Variants in VAT1L observed in about 807,000 individuals in gnomAD.
VAT1L encodes putative NADPH-dependent quinone oxidoreductase VAT1L.
In VAT1L, 34 loss-of-function variants were observed where a neutral mutation model predicts 44.1. The ratio of observed to expected loss-of-function variants is 0.77; its 90% CI spans 0.59 to 1.03. VAT1L has a LOEUF of 1.03. Ranked by LOEUF, VAT1L falls within the 50% of genes least tolerant of loss-of-function variation. The pLI is 0.00. For synonymous variants in VAT1L, 253 were observed against 202.2 expected, an observed-to-expected ratio of 1.25 and a Z score of -2.13; for missense variants, 615 against 538.8, an observed-to-expected ratio of 1.14 and a Z score of -1.40.
chr16:77,863,004 G>A, intron 4 of VAT1L, 114 bp downstream of exon 4: 2 of 1,331,214 alleles, frequency 1.5e-6, no homozygotes, highest in South Asian at 1.5e-5. Context: ...ATATATTGGG[G>A]GCTTAGTATT....
At chr16:77,849,261 A>G (rs1479170172) in intron 3 of VAT1L, among the ~76,000 whole-genome samples, 1 of 152,242 alleles carries the variant, frequency 6.6e-6, no homozygotes, top group Non-Finnish European at 1.5e-5. Flanking sequence ...GAATGAAACA[A>G]GAAACAAATG....
intron 7 of VAT1L, among the ~76,000 whole-genome samples, chr16:77,953,746 T>A (rs2018071338): frequency 6.6e-6 from 1 of 152,108 alleles, no homozygotes; most frequent in Non-Finnish European, 1.5e-5. Flanking sequence ...TCCTCCCACC[T>A]CGACCTCCCA....
At chr16:77,923,875 G>C (rs1226466482) in intron 7 of VAT1L, among the ~76,000 whole-genome samples, 1 of 152,182 alleles carries the variant, frequency 6.6e-6, no homozygotes, top group Non-Finnish European at 1.5e-5. Context: ...ACACTGGTGT[G>C]TACAGGACCC....
chr16:77,804,145 A>G lies in VAT1L; in HGVS notation c.234-12776A>G, dbSNP rs114574241. On this transcript the variant is annotated intron_variant, in intron 1 of 8. Transcript: ENST00000302536. The stretch of plus-strand genomic sequence containing the variant: ...AACACAGAGGGGTCTGTTGAATTTC[A>G]ATTGGATGACATTAAATGTTCTATG... Among the ~76,000 whole-genome samples the G allele has an allele frequency of 3.1e-3, 478 of 152,282 alleles. 2 individuals carry two copies. The highest frequency in any genetic ancestry group is 0.011 in the African/African-American group (454 of 41,560).
chr16:77,806,890 C>T (rs976371804), intron 1 of VAT1L, among the ~76,000 whole-genome samples: 1 of 152,116 alleles, frequency 6.6e-6, no homozygotes, highest in Non-Finnish European at 1.5e-5. Flanking sequence ...CTGTCTTCTC[C>T]CTTCCATGGA....
At chr16:77,803,265 T>C (rs1470153024) in intron 1 of VAT1L, among the ~76,000 whole-genome samples, 1 of 152,152 alleles carries the variant, frequency 6.6e-6, no homozygotes, top group Non-Finnish European at 1.5e-5. Context: ...ACATTTCAAG[T>C]GTTCAATACC....
At chr16:77,825,557 C>T (rs2145246556) in intron 3 of VAT1L, 96 bp downstream of exon 3, 1 of 1,333,102 alleles carries the variant, frequency 7.5e-7, no homozygotes, top group South Asian at 1.3e-5. Context: ...TGTCCTTTAG[C>T]AGGAATCATC....
intron 3 of VAT1L, among the ~76,000 whole-genome samples, chr16:77,859,645 A>G (rs577855926): frequency 1.3e-5 from 2 of 152,324 alleles, no homozygotes; most frequent in East Asian, 1.9e-4. Context: ...GAGTGTTGTC[A>G]TAGTCCAGGG....
At chr16:77,941,106 A>G (rs1257305257) in intron 7 of VAT1L, among the ~76,000 whole-genome samples, 1 of 152,190 alleles carries the variant, frequency 6.6e-6, no homozygotes, top group Non-Finnish European at 1.5e-5. Context: ...ATGGATGCAG[A>G]GTGGGCTTTT....
intron 6 of VAT1L, among the ~76,000 whole-genome samples, chr16:77,880,723 C>A (rs145957827): frequency 4.7e-5 from 7 of 149,704 alleles, no homozygotes; most frequent in Admixed American, 1.4e-4. Flanking sequence ...ACATAGTGAG[C>A]ATAGTACCCA....
At chr16:77,961,054 A>C (rs2018154758) in intron 7 of VAT1L, among the ~76,000 whole-genome samples, 1 of 152,148 alleles carries the variant, frequency 6.6e-6, no homozygotes, top group Non-Finnish European at 1.5e-5. Flanking sequence ...ACACAGAGTG[A>C]AATATTTTTG....
intron 3 of VAT1L, among the ~76,000 whole-genome samples, chr16:77,838,430 A>G (rs2016663881): frequency 6.6e-6 from 1 of 152,140 alleles, no homozygotes; most frequent in Non-Finnish European, 1.5e-5. Context: ...CAGGCTGGCC[A>G]CTGGTCACTC....
chr16:77,950,005 A>G (rs2018021663), intron 7 of VAT1L, among the ~76,000 whole-genome samples: 1 of 152,194 alleles, frequency 6.6e-6, no homozygotes, highest in Admixed American at 6.5e-5. Context: ...ATGGCTCTGT[A>G]GCCTCGTTTC....
chr16:77,865,955 C>T (rs544228712), intron 4 of VAT1L, among the ~76,000 whole-genome samples: 1 of 152,194 alleles, frequency 6.6e-6, no homozygotes, highest in Non-Finnish European at 1.5e-5. Flanking sequence ...CCCCACATCA[C>T]TGGTGTCTGC....
At position 77,879,550 on chromosome 16, in the gene VAT1L, T is replaced by TA; in HGVS notation, c.882+326_882+327insA. Among the ~76,000 whole-genome samples the TA allele has an allele frequency of 6.6e-6, 1 of 152,206 alleles. No individual in the cohort carries two copies. Among genetic ancestry groups the TA allele is most frequent in the Non-Finnish European group, 1.5e-5 (1 of 68,038 alleles). ...ATCTGCCCGCCTCAGCCTCCCAAAG[T>TA]GCTGGGATTACAGGCGTGAGCCACC... is the stretch of plus-strand genomic sequence containing the variant. On this transcript the variant is annotated intron_variant, in intron 6 of 8. Transcript: ENST00000302536. The surrounding 1 kb of genome is among the most constrained non-coding windows in gnomAD (Gnocchi z 4.1).
chr16:77,826,022 C>CA (rs1222011295), intron 3 of VAT1L, among the ~76,000 whole-genome samples: 86 of 53,580 alleles, frequency 1.6e-3, no homozygotes, highest in African/African-American at 5.0e-3. Context: ...GACTCCATCT[C>CA]AAAAAAAAAA....
chr16:77,864,286 A>G (rs1035720871), intron 4 of VAT1L, among the ~76,000 whole-genome samples: 3 of 152,192 alleles, frequency 2.0e-5, no homozygotes, highest in African/African-American at 7.2e-5. Context: ...TACGTTGTCC[A>G]GATAGAATCA....
intron 3 of VAT1L, among the ~76,000 whole-genome samples, chr16:77,845,444 A>G (rs1254636081): frequency 1.3e-5 from 2 of 152,050 alleles, no homozygotes; most frequent in Non-Finnish European, 2.9e-5. Flanking sequence ...TCACAGGGGT[A>G]AGCCACTTTG....
intron 7 of VAT1L, among the ~76,000 whole-genome samples, chr16:77,908,959 G>C (rs2017470192): frequency 6.6e-6 from 1 of 152,130 alleles, no homozygotes; most frequent in African/African-American, 2.4e-5. Context: ...AATTGAGTAG[G>C]AGGAAAGAGA....
Sources: gnomAD v4.1 joint callset for allele counts (sites outside exome capture counted in the v4.1 genomes callset) on GRCh38, gnomAD v4.1.1 for gene constraint, Gnocchi (gnomAD v3.1) non-coding constraint, MANE v1.5 for transcripts, NCBI Gene and HGNC (gene_info 2026-07-23, HGNC 2026-07-21) for gene names.